Variants in POR observed in about 807,000 individuals in gnomAD.
POR encodes the protein cytochrome p450 oxidoreductase, also known as NADPH--cytochrome P450 reductase.
POR carries 56 observed loss-of-function variants against 84.0 expected under a neutral mutation model. That is an observed-to-expected ratio of 0.67 (90% CI 0.54 to 0.83). The LOEUF (loss-of-function observed/expected upper bound fraction) is 0.83, where lower values mean the gene tolerates loss of function less well. POR is among the 40% of genes least tolerant of loss of function. The pLI is 0.00. For synonymous variants in POR, 414 were observed against 400.5 expected (o/e 1.03, Z -0.40); for missense variants, 938 against 944.3 (o/e 0.99, Z 0.09).
At chr7:75,923,899 A>AG (rs1422087000) in intron 1 of POR, among the ~76,000 whole-genome samples, 48 of 152,114 alleles carry the variant, frequency 3.2e-4, no homozygotes, top group African/African-American at 1.1e-3. Flanking sequence ...AAAAAAAAAA[A>AG]AAAAGAAAAG....
intron 1 of POR, among the ~76,000 whole-genome samples, chr7:75,939,714 C>G (rs918916004): frequency 6.6e-6 from 1 of 151,486 alleles, no homozygotes; most frequent in Non-Finnish European, 1.5e-5. Context: ...AAGTGATTCT[C>G]CTGCCTCAGC....
chr7:75,915,540 C>G (rs1425277989), intron 1 of POR: 1 of 152,338 alleles, frequency 6.6e-6, no homozygotes, highest in Non-Finnish European at 1.5e-5. Context: ...CACTTTAACT[C>G]TCCGAGCCTC....
At chr7:75,960,319 T>TA (rs1206255253) in intron 2 of POR, among the ~76,000 whole-genome samples, 1 of 150,336 alleles carries the variant, frequency 6.7e-6, no homozygotes, top group Admixed American at 6.6e-5. Context: ...ATAATAATAA[T>TA]ATATAATAAT....
Position 75,969,042 on chromosome 7 carries a change from C to T in POR, c.189-3371C>T, listed in dbSNP as rs543130249. On this transcript the variant is annotated intron_variant, in intron 2 of 15. Coordinates refer to ENST00000461988, the MANE Select transcript of POR (RefSeq NM_000941.3). Reference sequence around the variant, plus strand: ...TCGTCCAAGAGGCCTTTCCCGGTTTCTTCAGCCATAAGCGTCTGCTCCCTT... The same window carrying T: ...TCGTCCAAGAGGCCTTTCCCGGTTTTTTCAGCCATAAGCGTCTGCTCCCTT... Among the ~76,000 whole-genome samples the T allele has an allele frequency of 2.0e-5, 3 of 152,366 alleles. No homozygotes were observed. In the South Asian group the frequency reaches 6.2e-4, roughly 32 times the overall value.
intron 6 of POR, 29 bp downstream of exon 6, chr7:75,981,201 G>GTT: frequency 6.6e-7 from 1 of 1,510,356 alleles, no homozygotes; most frequent in Non-Finnish European, 8.9e-7. Context: ...ACCATGATCA[G>GTT]CGCGGCGGGC....
chr7:75,967,783 G>A (rs948208334), intron 2 of POR: 12 of 302,726 alleles, frequency 4.0e-5, no homozygotes, highest in African/African-American at 1.5e-4. Context: ...GTGTGTGCCC[G>A]GTGCAGGGAC....
chr7:75,986,450 A>G lies in POR; in HGVS notation c.2012A>G (p.Lys671Arg). The G allele has an allele frequency of 6.2e-7, 1 of 1,611,888 alleles. No homozygotes were observed. The highest frequency in any genetic ancestry group is 8.5e-7 in the Non-Finnish European group (1 of 1,179,800). ...GACTACATCAAGAAACTGATGACCA[A>G]GGGCCGCTACTCCCTGGACGTGTGG... Residue 671 changes from lysine to arginine, a missense_variant, in exon 16 of 16, where the codon AAG becomes AGG. Lys to Arg is a conservative substitution (Grantham distance 26, BLOSUM62 2). Transcript: ENST00000461988.
rs149976813 is a variant in POR, at chr7:75,933,844, A to ATG, written c.-5+18683_-5+18684dup. Among the ~76,000 whole-genome samples the ATG allele has an allele frequency of 2.8e-3, 429 of 150,742 alleles. 1 individual carries two copies. The highest frequency in any genetic ancestry group is 6.9e-3 in the Middle Eastern group (2 of 290). On this transcript the variant is annotated intron_variant, in intron 1 of 15. Coordinates refer to ENST00000461988, the MANE Select transcript of POR (RefSeq NM_000941.3). ...ATATTTTACCATATTTGCTTTATCAATGTGTGTGTGTGTGTGTGTAGATAT... is the reference window on the plus strand; with the variant it reads ...ATATTTTACCATATTTGCTTTATCAATGTGTGTGTGTGTGTGTGTGTAGATAT...
At chr7:75,939,615 T>C (rs1554551295) in intron 1 of POR, among the ~76,000 whole-genome samples, 1 of 151,962 alleles carries the variant, frequency 6.6e-6, no homozygotes, top group African/African-American at 2.4e-5. Context: ...TCTTTTTCTT[T>C]TTTTTTCGAG....
At position 75,946,421 on chromosome 7, in the gene POR, G is replaced by A. The variant is rs978954672; in HGVS notation, c.-4-7568G>A. On this transcript the variant is annotated intron_variant, in intron 1 of 15. Coordinates refer to ENST00000461988, the MANE Select transcript of POR (RefSeq NM_000941.3). The stretch of plus-strand genomic sequence containing the variant: ...CCTACCTCGGCCTGCCACATAGCTG[G>A]GACTACAGGTGCGCACCGTCACACC... 5.3e-5 allele frequency among the ~76,000 whole-genome samples: 8 copies of A among 152,026 alleles called. No homozygotes were observed. In the East Asian group the frequency reaches 1.2e-3, roughly 22 times the overall value.
At chr7:75,917,435 A>T (rs1554548199) in intron 1 of POR, among the ~76,000 whole-genome samples, 1 of 125,814 alleles carries the variant, frequency 7.9e-6, no homozygotes, top group Non-Finnish European at 1.6e-5. Flanking sequence ...AGGACCTTTC[A>T]TGGTTCCAGA....
chr7:75,986,156 C>G lies in POR; in HGVS notation c.1816-3C>G. The G allele has an allele frequency of 6.2e-7, 1 of 1,608,976 alleles. No homozygotes were observed. Among genetic ancestry groups the G allele is most frequent in the Non-Finnish European group, 8.5e-7 (1 of 1,178,054 alleles). ...CCCCTCACAGCACCACCCTTGGCCC[C>G]AGGTCTACGTCCAGCACCTGCTAAA... On this transcript the variant is annotated splice_polypyrimidine_tract_variant and splice_region_variant and intron_variant, in intron 14 of 15. Coordinates refer to ENST00000461988, the MANE Select transcript of POR (RefSeq NM_000941.3).
Position 75,958,809 on chromosome 7 carries a change from A to C in POR, c.188+4629A>C, listed in dbSNP as rs1157132507. Among the ~76,000 whole-genome samples the C allele has an allele frequency of 1.6e-4, 24 of 151,012 alleles. 1 individual carries two copies. The highest frequency in any genetic ancestry group is 7.9e-4 in the East Asian group (4 of 5,038). On this transcript the variant is annotated intron_variant, in intron 2 of 15. Coordinates refer to ENST00000461988, the MANE Select transcript of POR (RefSeq NM_000941.3). ...GCCTGAGCAACATAGGGAGACCCCC[A>C]CCCCCCCGCCATCTCTACAATAAAC...
At chr7:75,958,378 A>G (rs2116448525) in intron 2 of POR, among the ~76,000 whole-genome samples, 1 of 152,180 alleles carries the variant, frequency 6.6e-6, no homozygotes, top group South Asian at 2.1e-4. Context: ...TCGGCCTCCC[A>G]AAGTGCTGGG....
At chr7:75,929,260 A>C (rs988667180) in intron 1 of POR, among the ~76,000 whole-genome samples, 2 of 152,094 alleles carry the variant, frequency 1.3e-5, no homozygotes, top group Non-Finnish European at 2.9e-5. Flanking sequence ...GTTGGTGCTC[A>C]GTACACTTTT....
At chr7:75,958,092 G>T (rs953638599) in intron 2 of POR, among the ~76,000 whole-genome samples, 1 of 152,096 alleles carries the variant, frequency 6.6e-6, no homozygotes, top group Non-Finnish European at 1.5e-5. Flanking sequence ...TGCATAGTAG[G>T]CTCTCAGGTG....
At chr7:75,966,697 C>T (rs1554555301) in intron 2 of POR, among the ~76,000 whole-genome samples, 3 of 152,220 alleles carry the variant, frequency 2.0e-5, no homozygotes, top group Admixed American at 1.3e-4. Context: ...AAATGTTCCT[C>T]AGCGTCGCCT....
At chr7:75,950,315 T>C (rs562972410) in intron 1 of POR, among the ~76,000 whole-genome samples, 1 of 152,312 alleles carries the variant, frequency 6.6e-6, no homozygotes, top group South Asian at 2.1e-4. Context: ...GAAACTGCCA[T>C]GAGTTATGCA....
intron 3 of POR, among the ~76,000 whole-genome samples, chr7:75,973,201 T>C (rs373406216): frequency 2.6e-5 from 4 of 152,286 alleles, no homozygotes; most frequent in South Asian, 4.1e-4. Context: ...AGTGGAAAGC[T>C]CCCCTCTGCC....
Sources: gnomAD v4.1 joint callset for allele counts (sites outside exome capture counted in the v4.1 genomes callset) on GRCh38, gnomAD v4.1.1 for gene constraint, MANE v1.5 for transcripts, NCBI Gene and HGNC (gene_info 2026-07-23, HGNC 2026-07-21) for gene names.